Variants in FBXO34 observed in about 807,000 individuals in gnomAD.
FBXO34 encodes F-box protein 34.
Under a neutral mutation model 24.5 loss-of-function variants are expected in FBXO34, and 12 were observed. The ratio of observed to expected loss-of-function variants is 0.49; its 90% CI spans 0.31 to 0.79. The LOEUF is 0.79. Among genes scored for constraint, FBXO34 ranks in the 30% least tolerant of loss-of-function variants. FBXO34 has a pLI of 0.04. For synonymous variants in FBXO34, 320 were observed against 311.9 expected (o/e 1.03, Z -0.27); for missense variants, 823 against 857.7 (o/e 0.96, Z 0.51).
At chr14:55,278,928 C>T (rs1881435450) in intron 1 of FBXO34, among the ~76,000 whole-genome samples, 1 of 152,212 alleles carries the variant, frequency 6.6e-6, no homozygotes. Flanking sequence ...CTCAAGCCAT[C>T]CTCCTGCCTT....
intron 1 of FBXO34, chr14:55,271,756 G>A (rs1432524355): frequency 6.6e-6 from 1 of 151,850 alleles, no homozygotes; most frequent in African/African-American, 2.4e-5. Context: ...CACGGCCCGG[G>A]CGCTGAGCGT....
chr14:55,360,923 G>A (rs1884585424), intron 3 of FBXO34, among the ~76,000 whole-genome samples: 3 of 151,948 alleles, frequency 2.0e-5, no homozygotes, highest in African/African-American at 4.8e-5. Context: ...GCTTGAACTC[G>A]TGAGGTGGAG....
At chr14:55,432,973 T>C in the FBXO34 span, among the ~76,000 whole-genome samples, 1 of 152,272 alleles carries the variant, frequency 6.6e-6, no homozygotes, top group African/African-American at 2.4e-5. Context: ...TTATCTGCAA[T>C]GAGGAAAATC....
chr14:55,312,218 C>CA (rs1033067155), intron 1 of FBXO34, among the ~76,000 whole-genome samples: 3 of 149,176 alleles, frequency 2.0e-5, no homozygotes, highest in African/African-American at 7.3e-5. Context: ...AACAAACAAA[C>CA]AAAAAACCTT....
At chr14:55,440,533 G>A in the FBXO34 span, 1 of 1,605,356 alleles carries the variant, frequency 6.2e-7, no homozygotes. Flanking sequence ...TCCGGCCAGG[G>A]CGCAGAGGCC....
chr14:55,289,295 T>C (rs1881863925), intron 1 of FBXO34, among the ~76,000 whole-genome samples: 1 of 152,176 alleles, frequency 6.6e-6, no homozygotes, highest in African/African-American at 2.4e-5. Flanking sequence ...CTTCAAATCA[T>C]TGAAATCTGC....
downstream of FBXO34, among the ~76,000 whole-genome samples, chr14:55,366,215 C>G (rs961606475): frequency 6.6e-5 from 10 of 152,108 alleles, no homozygotes; most frequent in Non-Finnish European, 1.3e-4. Context: ...ATTGTTAATA[C>G]CACCATAATC....
chr14:55,343,436 A>C (rs1884057284), intron 1 of FBXO34, among the ~76,000 whole-genome samples: 1 of 151,978 alleles, frequency 6.6e-6, no homozygotes, highest in Non-Finnish European at 1.5e-5. Flanking sequence ...TTTTTAGTAG[A>C]GATGGTGTTT....
chr14:55,407,565 C>T, the FBXO34 span, among the ~76,000 whole-genome samples: 1 of 152,188 alleles, frequency 6.6e-6, no homozygotes, highest in Non-Finnish European at 1.5e-5. Flanking sequence ...GCGCCCAACC[C>T]CTATGTTGAG....
At chr14:55,373,857 G>A (rs1004069685), downstream of FBXO34, among the ~76,000 whole-genome samples, 10 of 151,750 alleles carry the variant, frequency 6.6e-5, no homozygotes, top group Admixed American at 2.6e-4. Flanking sequence ...AGTTGTGCCG[G>A]TCTGAACAGA....
chr14:55,419,729 C>G, the FBXO34 span, among the ~76,000 whole-genome samples: 1 of 152,292 alleles, frequency 6.6e-6, no homozygotes, highest in African/African-American at 2.4e-5. Context: ...TTTCAAAGAC[C>G]TGCAAATGGC....
chr14:55,306,770 T>C (rs1362366934), intron 1 of FBXO34, among the ~76,000 whole-genome samples: 1 of 152,052 alleles, frequency 6.6e-6, no homozygotes, highest in East Asian at 1.9e-4. Context: ...GAGGTGGAGG[T>C]TGCAGTGAGC....
At chr14:55,305,490 T>C (rs1228517828) in intron 1 of FBXO34, among the ~76,000 whole-genome samples, 1 of 149,578 alleles carries the variant, frequency 6.7e-6, no homozygotes, top group Non-Finnish European at 1.5e-5. Flanking sequence ...AGGTCAGGAG[T>C]TCGAGACCAG....
At chr14:55,324,967 A>G (rs1883291774) in intron 1 of FBXO34, among the ~76,000 whole-genome samples, 1 of 152,158 alleles carries the variant, frequency 6.6e-6, no homozygotes, top group Admixed American at 6.5e-5. Context: ...CTCCGAAAGG[A>G]CGAGTGAGCT....
intron 1 of FBXO34, among the ~76,000 whole-genome samples, chr14:55,329,052 T>C (rs1883445943): frequency 6.6e-6 from 1 of 151,634 alleles, no homozygotes; most frequent in African/African-American, 2.4e-5. Context: ...TGCAGAATGA[T>C]TGTACTTAAT....
chr14:55,440,565 G>A, the FBXO34 span: 7 of 1,570,794 alleles, frequency 4.5e-6, no homozygotes, highest in East Asian at 6.8e-5. Context: ...TGGGGGCAGC[G>A]AGGCGGGGCG....
chr14:55,338,921 CAA>C (rs59912336), intron 1 of FBXO34, among the ~76,000 whole-genome samples: 4 of 134,596 alleles, frequency 3.0e-5, no homozygotes, highest in Admixed American at 7.5e-5. Context: ...CAAAAAAAAA[CAA>C]AAAAAAAAAA....
At chr14:55,338,756 A>G (rs953109522) in intron 1 of FBXO34, among the ~76,000 whole-genome samples, 5 of 152,016 alleles carry the variant, frequency 3.3e-5, no homozygotes, top group African/African-American at 1.2e-4. Flanking sequence ...AATACAAAAA[A>G]TTAGCTGGGC....
chr14:55,280,122 T>C (rs958897768), intron 1 of FBXO34, among the ~76,000 whole-genome samples: 1 of 152,238 alleles, frequency 6.6e-6, no homozygotes, highest in Non-Finnish European at 1.5e-5. Flanking sequence ...ATACATTTTA[T>C]ATGTATGTAA....
Sources: allele counts gnomAD v4.1 joint callset (sites outside exome capture counted in the v4.1 genomes callset), GRCh38; gene constraint gnomAD v4.1.1; transcripts MANE v1.5; gene names NCBI Gene and HGNC (gene_info 2026-07-23, HGNC 2026-07-21).